The following MCPH1 variants were observed in gnomAD, a reference collection of about 807,000 sequenced individuals.
MCPH1 encodes microcephalin.
A neutral mutation model predicts 84.5 loss-of-function variants in MCPH1; 104 were observed. The observed-to-expected ratio is 1.23, with a 90% CI of 1.05 to 1.45. The LOEUF (loss-of-function observed/expected upper bound fraction) is 1.45, where lower values mean the gene tolerates loss of function less well. Ranked by LOEUF, MCPH1 falls within the 40% of genes most tolerant of loss-of-function variation. MCPH1 has a pLI of 0.00. For synonymous variants in MCPH1, 514 were observed against 366.8 expected (o/e 1.40, Z -4.58); for missense variants, 1,498 against 1,005.7 (o/e 1.49, Z -6.62).
chr8:6,416,285 CA>C, intron 3 of MCPH1, among the ~76,000 whole-genome samples: 1 of 714 alleles, frequency 1.4e-3, no homozygotes, highest in East Asian at 0.1. Context: ...TATGTCATGT[CA>C]TGTCATGTCA....
intron 12 of MCPH1, among the ~76,000 whole-genome samples, chr8:6,589,998 G>A (rs1007828703): frequency 1.5e-4 from 23 of 152,114 alleles, no homozygotes; most frequent in African/African-American, 4.6e-4. Flanking sequence ...CACTGTCCCC[G>A]AAACGATCTT....
chr8:6,502,388 G>A (rs908068390), intron 12 of MCPH1: 3 of 152,060 alleles, frequency 2.0e-5, no homozygotes, highest in Admixed American at 6.6e-5. Context: ...AAACTAAAAT[G>A]GCACGTTTCT....
intron 3 of MCPH1, among the ~76,000 whole-genome samples, chr8:6,427,917 T>C (rs1003233101): frequency 6.6e-6 from 1 of 151,714 alleles, no homozygotes; most frequent in Non-Finnish European, 1.5e-5. Context: ...CTCAGCCTCC[T>C]GAGTAGCTGG....
intron 13 of MCPH1, among the ~76,000 whole-genome samples, chr8:6,629,254 G>C (rs756055641): frequency 6.6e-6 from 1 of 152,224 alleles, no homozygotes; most frequent in African/African-American, 2.4e-5. Context: ...CTTGAGGTCA[G>C]GAGTTTGGGA....
Position 6,445,560 on chromosome 8 carries a change from C to G in MCPH1, c.1825+13C>G, listed in dbSNP as rs761966175. On this transcript the variant is annotated intron_variant, in intron 8 of 13. Transcript: ENST00000344683. ...GGATACAGTGGAAGTATGTGAATCT[C>G]CTTTTCCAAGTCACCTTCGCTAAAT... 6.4e-7 allele frequency: 1 copy of G among 1,562,876 alleles called. No homozygotes were observed. The highest frequency in any genetic ancestry group is 8.6e-7 in the Non-Finnish European group (1 of 1,158,436).
chr8:6,512,972 G>C (rs1228166454), intron 12 of MCPH1, among the ~76,000 whole-genome samples: 1 of 152,180 alleles, frequency 6.6e-6, no homozygotes, highest in African/African-American at 2.4e-5. Context: ...ACTTCATAAA[G>C]ACAGACTAAC....
intron 12 of MCPH1, among the ~76,000 whole-genome samples, chr8:6,596,641 C>T (rs1031825977): frequency 6.6e-6 from 1 of 152,092 alleles, no homozygotes; most frequent in Non-Finnish European, 1.5e-5. Context: ...AGAGGAACCC[C>T]TGGGCTAACA....
chr8:6,613,077 C>T (rs1344898415), intron 12 of MCPH1, among the ~76,000 whole-genome samples: 1 of 152,126 alleles, frequency 6.6e-6, no homozygotes, highest in African/African-American at 2.4e-5. Context: ...GATCGGCCTT[C>T]CATATGGGGG....
rs117610639 is a variant in MCPH1 at position 6,639,775 on chromosome 8, T to A, written c.2453-3219T>A. Among the ~76,000 whole-genome samples, 116 of 152,306 alleles carry A rather than the reference T, an allele frequency of 7.6e-4. 3 individuals carry two copies. In the East Asian group the frequency reaches 0.022, roughly 29 times the overall value. On this transcript the variant is annotated intron_variant, in intron 13 of 13. Transcript: ENST00000344683. ...AGAATGACATGCTTTTTCAGGAGCT[T>A]TTATTTAACCCTATGCCTAGAAGAT...
intron 5 of MCPH1, among the ~76,000 whole-genome samples, chr8:6,436,526 T>G (rs2129554626): frequency 6.6e-6 from 1 of 152,280 alleles, no homozygotes; most frequent in East Asian, 1.9e-4. Flanking sequence ...CATTTTTGTT[T>G]TGTTACCCTG....
At chr8:6,491,414 A>C (rs183444607) in intron 11 of MCPH1, among the ~76,000 whole-genome samples, 62 of 144,966 alleles carry the variant, frequency 4.3e-4, no homozygotes, top group African/African-American at 1.6e-3. Flanking sequence ...GATTATTATT[A>C]GGACAGAAGG....
At position 6,503,245 on chromosome 8, in the gene MCPH1, T is replaced by C. The variant is rs1812556686; in HGVS notation, c.2214+3316T>C. The C allele has an allele frequency of 3.1e-6, 5 of 1,614,154 alleles. No homozygotes were observed. The South Asian group carries it at 3.3e-5, about 11-fold the overall frequency. On this transcript the variant is annotated intron_variant, in intron 12 of 13. Transcript: ENST00000344683. ...TTCCGTTCAAGTTGGAAGGACCACATGCATCAAACCACCAGCCTGTGAAAG... is the reference window on the plus strand; with the variant it reads ...TTCCGTTCAAGTTGGAAGGACCACACGCATCAAACCACCAGCCTGTGAAAG...
chr8:6,638,268 T>G (rs1303466606), intron 13 of MCPH1, among the ~76,000 whole-genome samples: 1 of 152,226 alleles, frequency 6.6e-6, no homozygotes, highest in Non-Finnish European at 1.5e-5. Flanking sequence ...GGGCAATTCC[T>G]TACCAGAGTG....
At chr8:6,438,426 A>G (rs1227230595) in intron 5 of MCPH1, among the ~76,000 whole-genome samples, 1 of 152,112 alleles carries the variant, frequency 6.6e-6, no homozygotes, top group Non-Finnish European at 1.5e-5. Flanking sequence ...GCAAGGTAGC[A>G]TTCCAGAAAA....
intron 12 of MCPH1, chr8:6,514,546 G>A (rs1815855182): frequency 1.3e-6 from 1 of 784,302 alleles, no homozygotes; most frequent in Non-Finnish European, 2.1e-6. Context: ...AGGGGAGACT[G>A]AAGCACCAAT....
intron 12 of MCPH1, among the ~76,000 whole-genome samples, chr8:6,533,816 C>A (rs1024555149): frequency 6.6e-6 from 1 of 152,016 alleles, no homozygotes; most frequent in South Asian, 2.1e-4. Context: ...GACATGATTT[C>A]CCCCAAAATG....
intron 3 of MCPH1, among the ~76,000 whole-genome samples, chr8:6,416,072 C>G: frequency 6.6e-6 from 1 of 151,976 alleles, no homozygotes; most frequent in East Asian, 1.9e-4. Context: ...AAATTGTTTT[C>G]TTAATTTTTT....
chr8:6,427,538 A>ATTTATT (rs1248307624), intron 3 of MCPH1, among the ~76,000 whole-genome samples: 2 of 151,892 alleles, frequency 1.3e-5, no homozygotes, highest in African/African-American at 2.4e-5. Context: ...TGCCTGGGTA[A>ATTTATT]TTTATTTTTA....
chr8:6,567,311 A>G (rs77337622), intron 12 of MCPH1, among the ~76,000 whole-genome samples: 104 of 54,134 alleles, frequency 1.9e-3, no homozygotes, highest in East Asian at 5.3e-3. Context: ...TGCGATGACC[A>G]TGTGTGATCC....
Sources: gnomAD v4.1 joint callset for allele counts (sites outside exome capture counted in the v4.1 genomes callset) on GRCh38, gnomAD v4.1.1 for gene constraint, MANE v1.5 for transcripts, NCBI Gene and HGNC (gene_info 2026-07-23, HGNC 2026-07-21) for gene names.